The following TRPM8 variants were observed in gnomAD, a reference collection of about 807,000 sequenced individuals.
TRPM8 encodes the protein TRPM8 cationic channel.
In TRPM8, 110 loss-of-function variants were observed where a neutral mutation model predicts 133.7. The observed-to-expected ratio is 0.82, with a 90% CI of 0.70 to 0.96. TRPM8 has a LOEUF of 0.96. Ranked by LOEUF, TRPM8 falls within the 40% of genes least tolerant of loss-of-function variation. The pLI is 0.00. For missense variants in TRPM8, 1,291 were observed against 1,379.5 expected (o/e 0.94, Z 1.02); for synonymous variants, 535 against 532.3 (o/e 1.01, Z -0.07).
intron 17 of TRPM8, among the ~76,000 whole-genome samples, chr2:233,975,334 C>G (rs1691842025): frequency 6.6e-6 from 1 of 152,166 alleles, no homozygotes; most frequent in African/African-American, 2.4e-5. Context: ...GAGACCAGCG[C>G]TGGGGAGCTG....
intron 1 of TRPM8, among the ~76,000 whole-genome samples, chr2:233,920,275 G>A (rs1236845456): frequency 6.6e-6 from 1 of 152,188 alleles, no homozygotes; most frequent in African/African-American, 2.4e-5. Context: ...TATTTCAAGA[G>A]TCCATCTTGA....
At chr2:233,938,977 C>T (rs764333635) in intron 4 of TRPM8, 21 bp from the exon 5 acceptor site, 1 of 1,613,642 alleles carries the variant, frequency 6.2e-7, no homozygotes, top group South Asian at 1.1e-5. Flanking sequence ...TATCCTGATA[C>T]TTCTGCTTCT....
Position 233,942,749 on chromosome 2 carries a change from G to C in TRPM8, c.699+1G>C, listed in dbSNP as rs753225692. 6.2e-7 allele frequency: 1 copy of C among 1,614,008 alleles called. No individual in the cohort carries two copies. ...CCTCATCAGGAATTGCGATGCTGAG[G>C]TACCGGTGGGACAGGAGGAGGTCTG... On this transcript the variant is annotated splice_donor_variant, in intron 6 of 25. Transcript: ENST00000324695. LOFTEE classifies it high-confidence loss of function.
chr2:234,008,028 T>C, intron 23 of TRPM8, 42 bp from the exon 24 acceptor site: 2 of 1,598,854 alleles, frequency 1.3e-6, no homozygotes, highest in Non-Finnish European at 1.7e-6. Flanking sequence ...TCTCAATCTG[T>C]TTTTCTCTTG....
rs779449800 is a variant in TRPM8, at chr2:233,939,190, AGCGACCGC to A, written c.526+17_526+24del. 1.9e-6 allele frequency: 3 copies of A among 1,611,754 alleles called. No homozygotes were observed. The African/African-American group carries it at 4.0e-5, about 22-fold the overall frequency. ...GCAGTCCAAAGGTGAGGGTGGGAGC[AGCGACCGC>A]GGGTTCTTCCATTCGGGCTGCACCA... On this transcript the variant is annotated intron_variant, in intron 5 of 25. Coordinates refer to ENST00000324695, the MANE Select transcript of TRPM8 (RefSeq NM_024080.5).
At chr2:233,921,833 G>A (rs1464477198) in intron 1 of TRPM8, among the ~76,000 whole-genome samples, 1 of 151,672 alleles carries the variant, frequency 6.6e-6, no homozygotes, top group Non-Finnish European at 1.5e-5. Context: ...ACCACACCCA[G>A]CTAATATTTT....
chr2:233,921,013 T>A (rs911204781), intron 1 of TRPM8, among the ~76,000 whole-genome samples: 1 of 152,048 alleles, frequency 6.6e-6, no homozygotes, highest in African/African-American at 2.4e-5. Context: ...CCCTTCACCA[T>A]GCCTGGCTAA....
chr2:234,017,033 A>G (rs1692972195), intron 25 of TRPM8, among the ~76,000 whole-genome samples: 3 of 152,208 alleles, frequency 2.0e-5, no homozygotes, highest in African/African-American at 7.2e-5. Context: ...TTTAACCTAG[A>G]TTGAATGAGT....
chr2:233,957,741 C>T (rs544520062), intron 11 of TRPM8, among the ~76,000 whole-genome samples: 1 of 152,108 alleles, frequency 6.6e-6, no homozygotes, highest in African/African-American at 2.4e-5. Context: ...CATCTCTTCC[C>T]GATTCCATAT....
chr2:233,919,000 C>T (rs1215312722), intron 1 of TRPM8, among the ~76,000 whole-genome samples: 1 of 152,008 alleles, frequency 6.6e-6, no homozygotes, highest in African/African-American at 2.4e-5. Context: ...TTTCCTCTCT[C>T]ATTCAGTGTG....
chr2:233,930,810 A>G (rs1311893908), intron 3 of TRPM8, 69 bp downstream of exon 3: 1 of 979,440 alleles, frequency 1.0e-6, no homozygotes, highest in African/African-American at 1.6e-5. Flanking sequence ...CCTTACAACA[A>G]ACAAATGCTC....
chr2:233,950,201 A>G lies in TRPM8; in HGVS notation c.1140+55A>G. On this transcript the variant is annotated intron_variant, in intron 9 of 25. Transcript: ENST00000324695. ...GAGAAAATAAGACAAGTTGGTGAGA[A>G]GGGAGAATGCCTTAAACGCCCAACT... 2.6e-6 allele frequency: 4 copies of G among 1,549,920 alleles called. No individual in the cohort carries two copies. The South Asian group carries it at 4.7e-5, about 18-fold the overall frequency.
chr2:233,982,937 G>C (rs1692045865), intron 19 of TRPM8, 116 bp from the exon 20 acceptor site: 3 of 1,136,008 alleles, frequency 2.6e-6, no homozygotes, highest in Non-Finnish European at 3.8e-6. Context: ...TGACTTAGAT[G>C]CTCTGAGCCC....
At chr2:233,934,349 G>A (rs971600994) in intron 3 of TRPM8, among the ~76,000 whole-genome samples, 2 of 152,164 alleles carry the variant, frequency 1.3e-5, no homozygotes, top group Admixed American at 6.5e-5. Context: ...ACAGAGAGAC[G>A]GGAGCAGCTC....
At chr2:233,924,540 T>C (rs1691473856) in intron 1 of TRPM8, among the ~76,000 whole-genome samples, 1 of 152,150 alleles carries the variant, frequency 6.6e-6, no homozygotes, top group South Asian at 2.1e-4. Flanking sequence ...GGATAGCTGC[T>C]ATCTAAGACT....
chr2:233,935,619 A>T (rs1690710570), intron 3 of TRPM8, among the ~76,000 whole-genome samples: 2 of 152,210 alleles, frequency 1.3e-5, no homozygotes, highest in African/African-American at 2.4e-5. Context: ...TCAGTGACCA[A>T]ACATGTCTCC....
At chr2:234,006,529 T>C (rs995773069) in intron 22 of TRPM8, among the ~76,000 whole-genome samples, 1 of 152,214 alleles carries the variant, frequency 6.6e-6, no homozygotes, top group Non-Finnish European at 1.5e-5. Flanking sequence ...GAAGAGCACA[T>C]ATCAAATGTG....
rs749199791 is a variant in TRPM8, at chr2:233,927,958, CTCTTTCTT to C, written c.117+1318_117+1325del. ...TCTCTCTCTCTCTCTCTCTCTCTCT[CTCTTTCTT>C]TCTTTCTTTCTTTTTTTTTTTGAGA... On this transcript the variant is annotated intron_variant, in intron 2 of 25. Transcript: ENST00000324695. Among the ~76,000 whole-genome samples the C allele has an allele frequency of 8.0e-3, 500 of 62,306 alleles. 12 individuals carry two copies. The highest frequency in any genetic ancestry group is 0.01 in the Non-Finnish European group (389 of 37,502). The allele number at this position is 62,306 out of a possible 152,430, so 40.9% of individuals were successfully genotyped here. A position where few individuals can be genotyped will look rare whatever the true frequency, so the allele number is the denominator to read the frequency against.
chr2:233,955,042 T>TA, intron 10 of TRPM8, 90 bp from the exon 11 acceptor site: 1 of 889,438 alleles, frequency 1.1e-6, no homozygotes, highest in Non-Finnish European at 1.8e-6. Context: ...TTACCTGTGA[T>TA]AAACAGCTCT....
Sources: gnomAD v4.1 joint callset for allele counts (sites outside exome capture counted in the v4.1 genomes callset) on GRCh38, gnomAD v4.1.1 for gene constraint, MANE v1.5 for transcripts, NCBI Gene and HGNC (gene_info 2026-07-23, HGNC 2026-07-21) for gene names.